Variants in STARD3NL observed in about 807,000 individuals in gnomAD.
STARD3NL encodes STARD3 N-terminal-like protein.
In STARD3NL, 17 loss-of-function variants were observed where a neutral mutation model predicts 30.9. The observed-to-expected ratio is 0.55, with a 90% CI of 0.38 to 0.82. STARD3NL has a LOEUF of 0.82. STARD3NL is among the 40% of genes least tolerant of loss of function. STARD3NL has a pLI of 0.00. For synonymous variants in STARD3NL, 112 were observed against 100.5 expected (o/e 1.11, Z -0.69); for missense variants, 234 against 277.6 (o/e 0.84, Z 1.12).
intron 2 of STARD3NL, among the ~76,000 whole-genome samples, chr7:38,213,541 A>T (rs1390894790): frequency 6.6e-6 from 1 of 152,158 alleles, no homozygotes; most frequent in Admixed American, 6.6e-5. Context: ...CTGTCCTTCC[A>T]TTGGTCCTCT....
chr7:38,187,349 C>T (rs1416040906), intron 1 of STARD3NL, among the ~76,000 whole-genome samples: 1 of 152,226 alleles, frequency 6.6e-6, no homozygotes, highest in Admixed American at 6.5e-5. Flanking sequence ...GACCAAGCAA[C>T]AGTCCTAGTG....
intron 6 of STARD3NL, among the ~76,000 whole-genome samples, chr7:38,218,676 A>G (rs745953505): frequency 2.0e-5 from 3 of 152,168 alleles, no homozygotes; most frequent in East Asian, 1.9e-4. Flanking sequence ...GGTATCTGCT[A>G]TTTGGCCTGG....
intron 1 of STARD3NL, among the ~76,000 whole-genome samples, chr7:38,183,572 G>T (rs1016526383): frequency 6.6e-6 from 1 of 152,088 alleles, no homozygotes; most frequent in Non-Finnish European, 1.5e-5. Context: ...GTAGTGTGTT[G>T]TTAGAATGAC....
At chr7:38,195,779 C>A (rs771601784) in intron 1 of STARD3NL, among the ~76,000 whole-genome samples, 1 of 152,152 alleles carries the variant, frequency 6.6e-6, no homozygotes, top group Non-Finnish European at 1.5e-5. Context: ...TTTGTAATAG[C>A]TATCCATCAT....
intron 1 of STARD3NL, among the ~76,000 whole-genome samples, chr7:38,192,406 A>G (rs1784725026): frequency 6.6e-6 from 1 of 152,218 alleles, no homozygotes; most frequent in Non-Finnish European, 1.5e-5. Context: ...TAGAAGAGTA[A>G]GAGGAAACAA....
chr7:38,211,719 G>A (rs543462392), intron 2 of STARD3NL, among the ~76,000 whole-genome samples: 2 of 152,166 alleles, frequency 1.3e-5, no homozygotes, highest in Non-Finnish European at 2.9e-5. Flanking sequence ...TCCTTGACCT[G>A]TCCAGTTGGA....
At chr7:38,227,665 C>T (rs1413166226) in intron 7 of STARD3NL, among the ~76,000 whole-genome samples, 2 of 152,082 alleles carry the variant, frequency 1.3e-5, no homozygotes, top group African/African-American at 2.4e-5. Context: ...TCAGGGCCTC[C>T]TCTGCTTTTT....
chr7:38,217,905 C>T (rs1360141480), intron 6 of STARD3NL, among the ~76,000 whole-genome samples: 1 of 152,154 alleles, frequency 6.6e-6, no homozygotes, highest in Non-Finnish European at 1.5e-5. Flanking sequence ...CGACGCTCAG[C>T]CTTTCACCAT....
At chr7:38,211,432 G>A (rs1785797234) in intron 2 of STARD3NL, among the ~76,000 whole-genome samples, 2 of 152,160 alleles carry the variant, frequency 1.3e-5, no homozygotes, top group African/African-American at 4.8e-5. Flanking sequence ...TGAGGCAGGA[G>A]TGAGTGCTTA....
chr7:38,229,102 T>C (rs1263750863), intron 8 of STARD3NL, among the ~76,000 whole-genome samples: 2 of 152,222 alleles, frequency 1.3e-5, no homozygotes. Flanking sequence ...TTCTAAAGAA[T>C]AGAGATGAAT....
intron 1 of STARD3NL, among the ~76,000 whole-genome samples, chr7:38,187,839 C>T (rs1196375038): frequency 3.3e-5 from 5 of 152,118 alleles, no homozygotes; most frequent in South Asian, 2.1e-4. Flanking sequence ...TCTAGCTTCC[C>T]GCTTTCACTA....
intron 7 of STARD3NL, among the ~76,000 whole-genome samples, chr7:38,226,157 T>G (rs1447967985): frequency 1.3e-5 from 2 of 149,356 alleles, no homozygotes; most frequent in African/African-American, 2.5e-5. Flanking sequence ...ATCTTGTTTT[T>G]TTTTTTTTTT....
At chr7:38,210,523 C>T (rs1785737322) in intron 2 of STARD3NL, among the ~76,000 whole-genome samples, 1 of 152,188 alleles carries the variant, frequency 6.6e-6, no homozygotes, top group Non-Finnish European at 1.5e-5. Context: ...AGTTCATTTT[C>T]CTTCTAGAAG....
At chr7:38,200,255 C>A (rs1785113824) in intron 1 of STARD3NL, among the ~76,000 whole-genome samples, 1 of 152,152 alleles carries the variant, frequency 6.6e-6, no homozygotes, top group Non-Finnish European at 1.5e-5. Flanking sequence ...CCAGACTGCT[C>A]TGAGGCATGG....
intron 2 of STARD3NL, among the ~76,000 whole-genome samples, chr7:38,209,837 A>G (rs1055488425): frequency 1.3e-5 from 2 of 152,178 alleles, no homozygotes; most frequent in Non-Finnish European, 2.9e-5. Flanking sequence ...TTCACAGACA[A>G]GTTATCTGTT....
chr7:38,226,750 C>T (rs1334058955), intron 7 of STARD3NL, among the ~76,000 whole-genome samples: 1 of 152,154 alleles, frequency 6.6e-6, no homozygotes, highest in Non-Finnish European at 1.5e-5. Flanking sequence ...TGCTCACCTC[C>T]CTCTGAATTT....
In STARD3NL at chr7:38,193,206, C is replaced by T. The variant is rs149452696; in HGVS notation, c.-58-14241C>T. 3.8e-3 allele frequency among the ~76,000 whole-genome samples: 582 copies of T among 152,244 alleles called. 2 individuals are homozygous for T. Among genetic ancestry groups the T allele is most frequent in the Non-Finnish European group, 6.2e-3 (423 of 68,024 alleles). The stretch of plus-strand genomic sequence containing the variant: ...GCCTAAATGAATTGTAAGTTGTGTT[C>T]GTGCATGCTTTTGAAATGCAGTGAA... On this transcript the variant is annotated intron_variant, in intron 1 of 8. Coordinates refer to ENST00000009041, the MANE Select transcript of STARD3NL (RefSeq NM_032016.4).
rs534608425 is a variant in STARD3NL, at chr7:38,209,667, G to A, written c.225+1938G>A. On this transcript the variant is annotated intron_variant, in intron 2 of 8. Transcript: ENST00000009041. The stretch of plus-strand genomic sequence containing the variant: ...TTATTTTAACGTCAACAGCAAGTCC[G>A]GGCATTCATTGCTTTGGCTGCTTAT... Among the ~76,000 whole-genome samples the A allele has an allele frequency of 1.1e-4, 16 of 152,238 alleles. No individual in the cohort carries two copies. The South Asian group carries it at 1.5e-3, about 14-fold the overall frequency.
chr7:38,218,661 T>TA (rs986887387), intron 6 of STARD3NL, among the ~76,000 whole-genome samples: 2 of 152,212 alleles, frequency 1.3e-5, no homozygotes, highest in South Asian at 2.1e-4. Context: ...ATGACACACA[T>TA]ACCTGGTATC....
Sources: gnomAD v4.1 joint callset for allele counts (sites outside exome capture counted in the v4.1 genomes callset) on GRCh38, gnomAD v4.1.1 for gene constraint, MANE v1.5 for transcripts, NCBI Gene and HGNC (gene_info 2026-07-23, HGNC 2026-07-21) for gene names.